The following TRPM1 variants were observed in gnomAD, a reference collection of about 807,000 sequenced individuals.
TRPM1 encodes TRPM1-203 APA Isoform, Intron 10.
A neutral mutation model predicts 149.4 loss-of-function variants in TRPM1; 113 were observed. That is an observed-to-expected ratio of 0.76 (90% CI 0.65 to 0.88). The LOEUF (loss-of-function observed/expected upper bound fraction) is 0.88. Among genes scored for constraint, TRPM1 ranks in the 40% least tolerant of loss-of-function variants. The probability of loss-of-function intolerance (pLI) is 0.00; values close to 1 mark genes in which losing one functional copy is unlikely to be tolerated. For synonymous variants in TRPM1, 741 were observed against 759.5 expected, an observed-to-expected ratio of 0.98 and a Z score of 0.40; for missense variants, 1,976 against 2,038.7, an observed-to-expected ratio of 0.97 and a Z score of 0.59.
At chr15:31,104,624 T>G (rs554692977), upstream of TRPM1, among the ~76,000 whole-genome samples, 12 of 144,602 alleles carry the variant, frequency 8.3e-5, no homozygotes, top group South Asian at 2.3e-4. Context: ...GACGGAGTCT[T>G]GCTCTGTTGC....
intron 27 of TRPM1, among the ~76,000 whole-genome samples, 194 bp downstream of exon 27, chr15:31,025,945 C>T (rs150476506): frequency 2.6e-5 from 4 of 152,362 alleles, no homozygotes; most frequent in African/African-American, 7.2e-5. Flanking sequence ...TCATTCCCTT[C>T]TATATCCAAT....
Position 31,037,748 on chromosome 15 carries a change from A to G in TRPM1, c.2534T>C (p.Phe845Ser). The G allele has an allele frequency of 6.2e-7, 1 of 1,614,232 alleles. No individual in the cohort carries two copies. Among genetic ancestry groups the G allele is most frequent in the Non-Finnish European group, 8.5e-7 (1 of 1,180,036 alleles). ...GAACTTGACAATGGGCGCGTTATAG[A>G]ATTCACAGATCTTTGTTCCGATGGG... ...SIPIGTKICE[F>S]YNAPIVKFWF... The change falls in exon 20 of 28, where the codon TTC becomes TCC. Residue 845 changes from phenylalanine (F) to serine (S), a missense_variant. Phe to Ser is a radical substitution (Grantham distance 155). This residue lies in a region of TRPM1 where 1,332 missense variants were observed against 1,347.1 expected (regional missense o/e 0.99). Transcript: ENST00000256552.
Position 31,042,120 on chromosome 15 carries a change from A to C in TRPM1, c.1918T>G (p.Trp640Gly). The change falls in exon 17 of 28, where the codon TGG becomes GGG. Residue 640 changes from tryptophan (W) to glycine (G), a missense_variant. Around this residue, in one of 3 missense-constraint regions of TRPM1, gnomAD observed 1,332 missense variants for 1,347.1 expected, o/e 0.99. Coordinates refer to ENST00000256552, the MANE Select transcript of TRPM1 (RefSeq NM_001252024.2). ...FQYPFHELMV[W>G]AVLMKRQKMA... ...TTCTGGCGTTTCATCAGCACTGCCC[A>C]CACCATCAGCTCGTGGAAGGGATAC... The C allele has an allele frequency of 6.2e-7, 1 of 1,614,118 alleles. No homozygotes were observed. Among genetic ancestry groups the C allele is most frequent in the South Asian group, 1.1e-5 (1 of 91,076 alleles).
rs753356298 is a variant in TRPM1, at chr15:31,066,121, G to A, written c.745C>T (p.Arg249Ter). The A allele has an allele frequency of 3.7e-6, 6 of 1,614,158 alleles. No homozygotes were observed. The highest frequency in any genetic ancestry group is 1.3e-5 in the African/African-American group (1 of 75,040). Residue 249 changes from arginine to a stop codon, truncating the protein, a stop_gained, in exon 7 of 28, where the codon CGA (arginine) becomes TGA (stop). Coordinates refer to ENST00000256552, the MANE Select transcript of TRPM1 (RefSeq NM_001252024.2). LOFTEE classifies it high-confidence loss of function. ...GAGATGTGCTTTTCCAGCAGCCTTC[G>A]CAGCTTCACCTCGGCGCCATACTTG... is the stretch of plus-strand genomic sequence containing the variant. ...LGKYGAEVKL[R>*]RLLEKHISLQ...
chr15:31,017,059 C>G (rs1324876723), intron 27 of TRPM1, among the ~76,000 whole-genome samples: 1 of 152,086 alleles, frequency 6.6e-6, no homozygotes, highest in Non-Finnish European at 1.5e-5. Flanking sequence ...AATCCTAGCA[C>G]TTTGGGAGGC....
intron 18 of TRPM1, among the ~76,000 whole-genome samples, chr15:31,038,587 C>T (rs961155373): frequency 4.6e-5 from 7 of 152,170 alleles, no homozygotes; most frequent in African/African-American, 1.7e-4. Context: ...TGGTGCACGT[C>T]TGTAATACCA....
At chr15:31,084,966 G>A (rs1041734620) in intron 1 of TRPM1, among the ~76,000 whole-genome samples, 3 of 151,868 alleles carry the variant, frequency 2.0e-5, no homozygotes, top group Non-Finnish European at 4.4e-5. Context: ...TGGGATTACA[G>A]GTATGAGCTG....
At chr15:31,116,756 G>A (rs2035802683) in intron 1 of TRPM1, among the ~76,000 whole-genome samples, 1 of 151,158 alleles carries the variant, frequency 6.6e-6, no homozygotes, top group South Asian at 2.1e-4. Context: ...GGAACCCAAA[G>A]ATAACAGAGA....
At chr15:31,038,525 C>T (rs2033502529) in intron 18 of TRPM1, among the ~76,000 whole-genome samples, 1 of 152,126 alleles carries the variant, frequency 6.6e-6, no homozygotes, top group African/African-American at 2.4e-5. Flanking sequence ...CCAGCCTGGC[C>T]AACATGGTGA....
chr15:31,117,088 G>T (rs549859881), intron 1 of TRPM1, among the ~76,000 whole-genome samples: 1 of 152,162 alleles, frequency 6.6e-6, no homozygotes, highest in East Asian at 1.9e-4. Flanking sequence ...GGTGGTTTAC[G>T]CCTGTAATCC....
intron 1 of TRPM1, among the ~76,000 whole-genome samples, chr15:31,108,284 T>C (rs190961187): frequency 6.6e-6 from 1 of 152,366 alleles, no homozygotes; most frequent in Non-Finnish European, 1.5e-5. Context: ...TGGTCTGTCC[T>C]AGAGAATGGT....
Position 31,081,418 on chromosome 15 carries a change from T to C in TRPM1, c.-63A>G. On this transcript the variant is annotated 5_prime_UTR_variant, in exon 2 of 28. Coordinates refer to ENST00000256552, the MANE Select transcript of TRPM1 (RefSeq NM_001252024.2). ...TCCAGCACTGCAAGTTACTGCTGAG[T>C]CCTCAGAAATCTTCTAGAACCTACG... The C allele has an allele frequency of 3.9e-6, 6 of 1,534,706 alleles. No homozygotes were observed. In the South Asian group the frequency reaches 7.1e-5, roughly 18 times the overall value.
At chr15:31,031,991 T>G (rs2033102446) in intron 22 of TRPM1, among the ~76,000 whole-genome samples, 1 of 148,976 alleles carries the variant, frequency 6.7e-6, no homozygotes, top group Admixed American at 6.8e-5. Context: ...GTTAGGAGGT[T>G]ATAAATCAGG....
chr15:31,042,421 A>G lies in TRPM1; in HGVS notation c.1795-178T>C, dbSNP rs931248488. 22 of 689,612 alleles carry G rather than the reference A, an allele frequency of 3.2e-5. No homozygotes were observed. The African/African-American group carries it at 3.8e-4, about 12-fold the overall frequency. The allele number at this position is 689,612 out of a possible 1,614,324, so 42.7% of individuals were successfully genotyped here. On this transcript the variant is annotated intron_variant, in intron 16 of 27. Transcript: ENST00000256552. ...TGAAAAGATGCACACGTTTATTATG[A>G]TAAGTAAACTATCTAAAACCAAATG...
intron 18 of TRPM1, among the ~76,000 whole-genome samples, chr15:31,038,502 C>T (rs2140925076): frequency 6.6e-6 from 1 of 152,312 alleles, no homozygotes; most frequent in East Asian, 1.9e-4. Context: ...CATATGAGGC[C>T]AGGAGTTTGA....
chr15:31,099,072 C>T (rs1231579601), intron 1 of TRPM1, among the ~76,000 whole-genome samples: 4 of 152,166 alleles, frequency 2.6e-5, no homozygotes, highest in African/African-American at 9.7e-5. Flanking sequence ...GGGAAAATTG[C>T]TCCTGGCGCG....
Position 31,042,141 on chromosome 15 carries a change from G to T in TRPM1, c.1897C>A (p.Pro633Thr), listed in dbSNP as rs954222464. The change falls in exon 17 of 28, where the codon CCC (proline) becomes ACC (threonine). Residue 633 changes from proline to threonine, a missense_variant. Coordinates refer to ENST00000256552, the MANE Select transcript of TRPM1 (RefSeq NM_001252024.2). The stretch of plus-strand genomic sequence containing the variant: ...GCCCACACCATCAGCTCGTGGAAGG[G>T]ATACTGGAACCGACTCACGGCAGGG... The part of the protein sequence containing the change: ...DDPAVSRFQY[P>T]FHELMVWAVL... The T allele has an allele frequency of 8.1e-6, 13 of 1,614,064 alleles. No individual in the cohort carries two copies. The highest frequency in any genetic ancestry group is 1.0e-5 in the Non-Finnish European group (12 of 1,180,046).
rs4779819 is a variant in TRPM1 at position 31,077,214 on chromosome 15, C to T, written c.4-230G>A. On this transcript the variant is annotated intron_variant, in intron 2 of 27. Coordinates refer to ENST00000256552, the MANE Select transcript of TRPM1 (RefSeq NM_001252024.2). ...TTTTGCACCTTAATTCATCCATATC[C>T]ACCTGTTGAAGATATTTTTTGTGCA... Among the ~76,000 whole-genome samples, 72,119 of 151,984 alleles carry T rather than the reference C, an allele frequency of 0.47. 17,542 individuals are homozygous for T. Among genetic ancestry groups the T allele is most frequent in the East Asian group, 0.78 (4,014 of 5,172 alleles).
At chr15:31,029,256 C>CA in intron 24 of TRPM1, 115 bp downstream of exon 24, 1 of 1,157,530 alleles carries the variant, frequency 8.6e-7, no homozygotes. Flanking sequence ...GTACTGGCAC[C>CA]AAAAAACAAG....
Sources: gnomAD v4.1 joint callset for allele counts (sites outside exome capture counted in the v4.1 genomes callset) on GRCh38, gnomAD v4.1.1 for gene constraint, gnomAD v4.1.1 regional missense constraint, MANE v1.5 for transcripts, NCBI Gene and HGNC (gene_info 2026-07-23, HGNC 2026-07-21) for gene names.